Variants in KALRN observed in about 807,000 individuals in gnomAD.
The protein encoded by KALRN is kalirin RhoGEF kinase.
In KALRN, 70 loss-of-function variants were observed where a neutral mutation model predicts 353.7. That is an observed-to-expected ratio of 0.20 (90% CI 0.16 to 0.24). The LOEUF is 0.24. Ranked by LOEUF, KALRN falls within the 10% of genes least tolerant of loss-of-function variation. The probability of loss-of-function intolerance (pLI) is 1.00; values close to 1 mark genes in which losing one functional copy is unlikely to be tolerated. For synonymous variants in KALRN, 1,391 were observed against 1,434.8 expected, an observed-to-expected ratio of 0.97 and a Z score of 0.69; for missense variants, 2,791 against 3,756.7, an observed-to-expected ratio of 0.74 and a Z score of 6.72.
intron 43 of KALRN, among the ~76,000 whole-genome samples, chr3:124,660,068 A>T (rs2084635564): frequency 6.6e-6 from 1 of 151,946 alleles, no homozygotes; most frequent in Admixed American, 6.6e-5. Flanking sequence ...AGTAGCTAGG[A>T]CAACAGATGC....
chr3:124,163,514 T>A (rs2070341460), intron 1 of KALRN: 1 of 760,086 alleles, frequency 1.3e-6, no homozygotes, highest in Non-Finnish European at 1.6e-6. Context: ...CCCCATCTAA[T>A]GCTGCATTAT....
chr3:124,196,658 A>G (rs1294831017), intron 1 of KALRN, among the ~76,000 whole-genome samples: 1 of 152,222 alleles, frequency 6.6e-6, no homozygotes, highest in Non-Finnish European at 1.5e-5. Context: ...TATATATGAC[A>G]AAAATAAAGC....
chr3:124,364,818 C>T (rs191214017), intron 10 of KALRN, among the ~76,000 whole-genome samples: 3 of 152,284 alleles, frequency 2.0e-5, no homozygotes, highest in Admixed American at 6.5e-5. Context: ...ACTCTCAAAC[C>T]GTGCTTCTCT....
At chr3:124,531,779 T>A (rs2068063298) in intron 33 of KALRN, among the ~76,000 whole-genome samples, 1 of 152,200 alleles carries the variant, frequency 6.6e-6, no homozygotes, top group Non-Finnish European at 1.5e-5. Context: ...CACCAGGACC[T>A]GCCTCCAACA....
intron 34 of KALRN, among the ~76,000 whole-genome samples, chr3:124,579,912 G>A (rs2149245298): frequency 6.6e-6 from 1 of 152,288 alleles, no homozygotes; most frequent in Non-Finnish European, 1.5e-5. Flanking sequence ...CTTATCTTTG[G>A]AGTAGAGGGT....
At chr3:124,050,345 G>T (rs2040908072) in intron 1 of KALRN, among the ~76,000 whole-genome samples, 1 of 152,216 alleles carries the variant, frequency 6.6e-6, no homozygotes, top group Non-Finnish European at 1.5e-5. Context: ...ATGGATCCCA[G>T]CTTGCTCAGC....
chr3:124,370,240 T>C (rs966308952), intron 10 of KALRN, among the ~76,000 whole-genome samples: 2 of 151,746 alleles, frequency 1.3e-5, no homozygotes, highest in African/African-American at 4.8e-5. Context: ...TTTTTTATGA[T>C]CAGGATACAA....
intron 33 of KALRN, among the ~76,000 whole-genome samples, chr3:124,549,151 C>A (rs899430029): frequency 6.6e-5 from 10 of 152,058 alleles, no homozygotes; most frequent in African/African-American, 2.4e-4. Context: ...AATTCAAACT[C>A]AGGGCTGCTG....
chr3:124,268,673 C>T, intron 4 of KALRN, 70 bp from the exon 5 acceptor site: 1 of 1,500,366 alleles, frequency 6.7e-7, no homozygotes, highest in Non-Finnish European at 9.2e-7. Flanking sequence ...TGTCCTTTCC[C>T]TCATCCTATT....
chr3:124,176,108 C>G (rs1156737129), intron 1 of KALRN, among the ~76,000 whole-genome samples: 3 of 152,090 alleles, frequency 2.0e-5, no homozygotes, highest in African/African-American at 7.2e-5. Flanking sequence ...CCTGCAAAGC[C>G]CCCTGACCAG....
intron 33 of KALRN, among the ~76,000 whole-genome samples, chr3:124,541,881 G>A (rs1322527962): frequency 1.3e-5 from 2 of 150,526 alleles, no homozygotes; most frequent in East Asian, 3.9e-4. Flanking sequence ...TACAGAGGGA[G>A]ACTCTGTCTA....
intron 51 of KALRN, among the ~76,000 whole-genome samples, chr3:124,681,364 G>A (rs3755697): frequency 0.11 from 17,390 of 152,236 alleles, 1,478 homozygotes; most frequent in East Asian, 0.39. Context: ...GGCTGAGTGA[G>A]ATGGGTCCTC....
chr3:124,114,234 C>G (rs2063256325), intron 1 of KALRN, among the ~76,000 whole-genome samples: 1 of 152,082 alleles, frequency 6.6e-6, no homozygotes, highest in African/African-American at 2.4e-5. Context: ...AGGCAAGCAC[C>G]CCTTGGTACC....
At chr3:124,133,601 T>A (rs553342550) in intron 1 of KALRN, among the ~76,000 whole-genome samples, 1 of 152,270 alleles carries the variant, frequency 6.6e-6, no homozygotes, top group Admixed American at 6.5e-5. Context: ...CTCCTGTGCC[T>A]TATGGGGAGG....
Position 124,719,451 on chromosome 3 carries a change from G to A in KALRN, c.8942G>A (p.Arg2981Gln), listed in dbSNP as rs747822809. ...AATGTCAAGAGCTACATTGTCAACC[G>A]GGTGAACCAAGGGACGTAGCCATCT... is the stretch of plus-strand genomic sequence containing the variant. ...IPNVKSYIVN[R>Q]VNQGT Residue 2981 changes from arginine to glutamine, a missense_variant, in exon 60 of 60, where the codon CGG (arginine) becomes CAG (glutamine). Arg to Gln is a conservative substitution (Grantham distance 43, BLOSUM62 1). This residue lies in a region of KALRN where 32 missense variants were observed against 27.4 expected (regional missense o/e 1.17). Transcript: ENST00000682506. The surrounding 1 kb of genome is among the most constrained non-coding windows in gnomAD (Gnocchi z 5.3). 8.7e-6 allele frequency: 14 copies of A among 1,613,236 alleles called. No homozygotes were observed. The highest frequency in any genetic ancestry group is 1.7e-5 in the Admixed American group (1 of 60,002).
intron 51 of KALRN, among the ~76,000 whole-genome samples, chr3:124,682,138 CAGAAGAAGAA>C (rs2061368595): frequency 6.6e-6 from 1 of 152,268 alleles, no homozygotes; most frequent in South Asian, 2.1e-4. Context: ...ATGTACACTG[CAGAAGAAGAA>C]AATGATGAGG....
intron 15 of KALRN, among the ~76,000 whole-genome samples, chr3:124,424,366 A>T (rs1442257086): frequency 1.3e-5 from 2 of 152,300 alleles, no homozygotes; most frequent in South Asian, 2.1e-4. Flanking sequence ...CTGATTTAGT[A>T]TGAGAGCCAA....
chr3:124,410,192 CT>C (rs1464116672), intron 13 of KALRN: 1 of 532,330 alleles, frequency 1.9e-6, no homozygotes, highest in South Asian at 1.4e-5. Flanking sequence ...TGACGTGACT[CT>C]CTTCTCCCTC....
chr3:124,352,098 C>T (rs1480035182), intron 10 of KALRN, among the ~76,000 whole-genome samples: 2 of 152,206 alleles, frequency 1.3e-5, no homozygotes, highest in Non-Finnish European at 1.5e-5. Flanking sequence ...GGTCCTTAGT[C>T]AACTAATGGA....
Sources: allele counts gnomAD v4.1 joint callset (sites outside exome capture counted in the v4.1 genomes callset), GRCh38; gene constraint gnomAD v4.1.1; regional missense constraint gnomAD v4.1.1; non-coding constraint Gnocchi (gnomAD v3.1); transcripts MANE v1.5; gene names NCBI Gene and HGNC (gene_info 2026-07-23, HGNC 2026-07-21).